The following ZFHX3 variants were observed in gnomAD, a reference collection of about 807,000 sequenced individuals.
ZFHX3 encodes the protein zinc finger homeobox 3, also known as zinc finger homeobox protein 3.
In ZFHX3, 42 loss-of-function variants were observed where a neutral mutation model predicts 279.1. That is an observed-to-expected ratio of 0.15 (90% CI 0.12 to 0.19). The LOEUF (loss-of-function observed/expected upper bound fraction) is 0.19. Among genes scored for constraint, ZFHX3 ranks in the 10% least tolerant of loss-of-function variants. ZFHX3 has a pLI of 1.00. For missense variants in ZFHX3, 4,981 were observed against 4,754.0 expected, an observed-to-expected ratio of 1.05 and a Z score of -1.40; for synonymous variants, 2,293 against 1,957.8, an observed-to-expected ratio of 1.17 and a Z score of -4.52.
intron 2 of ZFHX3, among the ~76,000 whole-genome samples, chr16:73,546,509 C>T (rs1375918687): frequency 1.3e-5 from 1 of 78,682 alleles, no homozygotes; most frequent in Non-Finnish European, 2.5e-5. Context: ...GGGGCGGGGG[C>T]GGGTAGGAAG....
At chr16:73,862,490 C>T (rs899103711) in intron 1 of ZFHX3, among the ~76,000 whole-genome samples, 2 of 152,134 alleles carry the variant, frequency 1.3e-5, no homozygotes, top group Non-Finnish European at 2.9e-5. Flanking sequence ...AAAGATGTGA[C>T]GAGGACGGTT....
chr16:73,406,460 T>C (rs2017362439), intron 3 of ZFHX3, among the ~76,000 whole-genome samples: 1 of 152,232 alleles, frequency 6.6e-6, no homozygotes, highest in South Asian at 2.1e-4. Flanking sequence ...TGCTTCTGCT[T>C]CTTTACTATT....
chr16:73,207,373 G>A (rs754023605), intron 5 of ZFHX3, among the ~76,000 whole-genome samples: 13 of 152,172 alleles, frequency 8.5e-5, no homozygotes, highest in Non-Finnish European at 1.8e-4. Flanking sequence ...AGACTGTGGC[G>A]GGGTGTTTAC....
At chr16:72,870,095 G>C (rs536348674) in intron 4 of ZFHX3, among the ~76,000 whole-genome samples, 3 of 152,280 alleles carry the variant, frequency 2.0e-5, no homozygotes, top group East Asian at 1.9e-4. Flanking sequence ...GCAAGACAGA[G>C]GAACAATGCT....
At chr16:73,640,977 G>A (rs564233357) in intron 2 of ZFHX3, among the ~76,000 whole-genome samples, 80 of 152,266 alleles carry the variant, frequency 5.3e-4, no homozygotes, top group Non-Finnish European at 9.1e-4. Flanking sequence ...CAAAGCAGCC[G>A]GAACTAGAAT....
At chr16:73,437,540 C>A (rs945358652) in intron 3 of ZFHX3, among the ~76,000 whole-genome samples, 52 of 152,136 alleles carry the variant, frequency 3.4e-4, no homozygotes, top group African/African-American at 1.3e-3. Flanking sequence ...AAATGAGACT[C>A]CCCCAAAGAT....
intron 5 of ZFHX3, among the ~76,000 whole-genome samples, chr16:72,812,782 CA>C (rs1455613805): frequency 5.9e-5 from 9 of 152,020 alleles, no homozygotes; most frequent in Admixed American, 2.0e-4. Context: ...CTTACACCAC[CA>C]AAAAAACCAA....
chr16:73,647,024 CTTTTTTTTTT>C (rs36121781), intron 2 of ZFHX3, among the ~76,000 whole-genome samples: 1 of 133,968 alleles, frequency 7.5e-6, no homozygotes, highest in African/African-American at 3.1e-5. Flanking sequence ...TTTTTTTTTT[CTTTTTTTTTT>C]TTTGAGACGG....
chr16:73,527,534 C>A lies in ZFHX3; in HGVS notation c.-1546-71276G>T, dbSNP rs57121054. On this transcript the variant is annotated intron_variant, in intron 2 of 17. Coordinates refer to the ZFHX3 transcript ENST00000641206. ...CTGGTACTTGGGCGCTTATGTCACTCCCTCCCCTTGAGTATAGGAGGGACC... is the reference window on the plus strand; with the variant it reads ...CTGGTACTTGGGCGCTTATGTCACTACCTCCCCTTGAGTATAGGAGGGACC... 1.2e-4 allele frequency among the ~76,000 whole-genome samples: 18 copies of A among 152,270 alleles called. 1 individual carries two copies. The East Asian group carries it at 3.5e-3, about 29-fold the overall frequency.
upstream of ZFHX3, among the ~76,000 whole-genome samples, chr16:73,048,937 A>G (rs894862514): frequency 6.6e-6 from 1 of 152,208 alleles, no homozygotes; most frequent in Non-Finnish European, 1.5e-5. Context: ...CAGGCTCCTT[A>G]GCCTCACCTT....
At chr16:73,536,571 T>C (rs1216865866) in intron 2 of ZFHX3, among the ~76,000 whole-genome samples, 2 of 152,234 alleles carry the variant, frequency 1.3e-5, no homozygotes, top group African/African-American at 4.8e-5. Flanking sequence ...TATAAAATCA[T>C]GGATTTAATA....
At chr16:73,139,987 G>GCCA (rs1966842732) in intron 6 of ZFHX3, among the ~76,000 whole-genome samples, 1 of 152,220 alleles carries the variant, frequency 6.6e-6, no homozygotes, top group South Asian at 2.1e-4. Flanking sequence ...GTGAGATGGA[G>GCCA]CCAGGCATGG....
At chr16:73,261,083 T>G (rs1287778535) in intron 4 of ZFHX3, among the ~76,000 whole-genome samples, 6 of 152,208 alleles carry the variant, frequency 3.9e-5, no homozygotes, top group African/African-American at 7.2e-5. Flanking sequence ...GGTTATTAAC[T>G]GCAGCATTAT....
intron 4 of ZFHX3, among the ~76,000 whole-genome samples, chr16:72,860,650 G>C (rs2037864421): frequency 6.6e-6 from 1 of 152,128 alleles, no homozygotes. Context: ...GGCTGGTCTT[G>C]AACTCCTGAC....
At chr16:73,469,981 A>G (rs1351306527) in intron 2 of ZFHX3, among the ~76,000 whole-genome samples, 2 of 152,140 alleles carry the variant, frequency 1.3e-5, no homozygotes, top group East Asian at 1.9e-4. Context: ...AACTCCCAAC[A>G]TGATTCTAAT....
rs538850995 is a variant in ZFHX3 at position 73,848,437 on chromosome 16, C to T, written c.-1608+43214G>A. On this transcript the variant is annotated intron_variant, in intron 1 of 17. Coordinates refer to the ZFHX3 transcript ENST00000641206. ...GGTGAGTCCTTCAAAACAGTGCTTC[C>T]CACAGCCTGGCCCACAGAACAGGCA... Among the ~76,000 whole-genome samples the T allele has an allele frequency of 2.8e-3, 428 of 152,238 alleles. 3 individuals are homozygous for T. Among genetic ancestry groups the T allele is most frequent in the Non-Finnish European group, 4.8e-3 (326 of 68,020 alleles).
intron 2 of ZFHX3, among the ~76,000 whole-genome samples, chr16:73,485,152 T>C (rs11863313): frequency 0.27 from 41,337 of 151,962 alleles, 6,527 homozygotes; most frequent in East Asian, 0.64. Flanking sequence ...CAAAGTCAAA[T>C]AGAGGGTTGA....
intron 5 of ZFHX3, among the ~76,000 whole-genome samples, chr16:73,221,368 G>A (rs2012414158): frequency 2.0e-5 from 3 of 151,850 alleles, no homozygotes; most frequent in African/African-American, 7.3e-5. Flanking sequence ...ATATTTTATT[G>A]TTATAGATTA....
At chr16:73,790,657 G>T (rs909056183) in intron 1 of ZFHX3, among the ~76,000 whole-genome samples, 1 of 152,172 alleles carries the variant, frequency 6.6e-6, no homozygotes, top group African/African-American at 2.4e-5. Flanking sequence ...CAAATGCAAG[G>T]CTGGTGGCCT....
Sources: gnomAD v4.1 joint callset for allele counts (sites outside exome capture counted in the v4.1 genomes callset) on GRCh38, gnomAD v4.1.1 for gene constraint, MANE v1.5 for transcripts, NCBI Gene and HGNC (gene_info 2026-07-23, HGNC 2026-07-21) for gene names.